NRXN1: variants seen among roughly 807,000 people sequenced by gnomAD.
The protein encoded by NRXN1 is neurexin 1.
In NRXN1, 39 loss-of-function variants were observed where a neutral mutation model predicts 150.9. The observed-to-expected ratio is 0.26, with a 90% CI of 0.20 to 0.34. The LOEUF (loss-of-function observed/expected upper bound fraction) is 0.34, where lower values mean the gene tolerates loss of function less well. Ranked by LOEUF, NRXN1 falls within the 10% of genes least tolerant of loss-of-function variation. NRXN1 has a pLI of 1.00. For synonymous variants in NRXN1, 924 were observed against 757.0 expected (o/e 1.22, Z -3.62); for missense variants, 1,815 against 1,949.9 (o/e 0.93, Z 1.30).
At chr2:50,947,360 A>T (rs113902940) in intron 2 of NRXN1, among the ~76,000 whole-genome samples, 1 of 151,968 alleles carries the variant, frequency 6.6e-6, no homozygotes, top group Non-Finnish European at 1.5e-5. Context: ...ATATACAAAT[A>T]CTATTATTTT....
chr2:50,000,574 T>A (rs17493439), intron 21 of NRXN1, among the ~76,000 whole-genome samples: 72,237 of 151,934 alleles, frequency 0.48, 17,755 homozygotes, highest in Middle Eastern at 0.62. Context: ...TAAAATAAGA[T>A]AGTCAACATA....
chr2:50,828,727 C>A (rs867890733), intron 5 of NRXN1, among the ~76,000 whole-genome samples: 7 of 151,364 alleles, frequency 4.6e-5, no homozygotes, highest in Admixed American at 3.3e-4. Flanking sequence ...CGGGCAGAGA[C>A]CCTCCTCACT....
chr2:50,739,123 A>AT (rs1699120092), intron 5 of NRXN1: 1 of 247,488 alleles, frequency 4.0e-6, no homozygotes, highest in Non-Finnish European at 8.5e-6. Context: ...AATGTTGATA[A>AT]TTTTTATATC....
intron 19 of NRXN1, among the ~76,000 whole-genome samples, chr2:50,068,956 G>C (rs923178377): frequency 2.0e-5 from 3 of 152,054 alleles, no homozygotes; most frequent in African/African-American, 7.2e-5. Context: ...TTTATTCTCA[G>C]AGGTTTATGC....
chr2:50,089,312 A>G (rs539260941), intron 19 of NRXN1, among the ~76,000 whole-genome samples: 21 of 152,342 alleles, frequency 1.4e-4, no homozygotes, highest in African/African-American at 5.1e-4. Context: ...GTTCAGGTCC[A>G]CTGTTCACAG....
chr2:49,927,514 G>C lies in NRXN1; in HGVS notation c.4217-5263C>G, dbSNP rs141796763. ...ACAACTGAAGTGCTAAAATAACTAA[G>C]CAATTTGAAAGATAGATACATTTTT... On this transcript the variant is annotated intron_variant, in intron 22 of 22. Transcript: ENST00000401669. 9.3e-3 allele frequency among the ~76,000 whole-genome samples: 1,419 copies of C among 152,228 alleles called. 31 individuals carry two copies. Among genetic ancestry groups the C allele is most frequent in the African/African-American group, 0.032 (1,339 of 41,526 alleles).
intron 18 of NRXN1, among the ~76,000 whole-genome samples, chr2:50,197,591 T>G (rs150385663): frequency 1.3e-5 from 2 of 152,334 alleles, no homozygotes; most frequent in East Asian, 3.9e-4. Context: ...TTTATTAATC[T>G]TCAAATTTCA....
intron 2 of NRXN1, among the ~76,000 whole-genome samples, chr2:50,971,834 C>T (rs1040403772): frequency 4.6e-5 from 7 of 151,984 alleles, no homozygotes; most frequent in African/African-American, 1.7e-4. Flanking sequence ...CAGATTTACG[C>T]ATTTACAGGA....
intron 21 of NRXN1, among the ~76,000 whole-genome samples, chr2:49,988,995 C>T (rs1681449095): frequency 6.6e-6 from 1 of 152,174 alleles, no homozygotes; most frequent in Non-Finnish European, 1.5e-5. Context: ...TGAAGCATTG[C>T]CCAGCACAAT....
At chr2:50,169,643 C>T (rs968519638) in intron 18 of NRXN1, among the ~76,000 whole-genome samples, 7 of 144,896 alleles carry the variant, frequency 4.8e-5, no homozygotes, top group Admixed American at 1.4e-4. Flanking sequence ...AACCCAGGAG[C>T]GGAGGTTGCA....
rs185371547 is a variant in NRXN1, at chr2:50,354,058, T to C, written c.3364+111384A>G. Among the ~76,000 whole-genome samples, 4 of 152,266 alleles carry C rather than the reference T, an allele frequency of 2.6e-5. No individual in the cohort carries two copies. In the East Asian group the frequency reaches 7.7e-4, roughly 29 times the overall value. On this transcript the variant is annotated intron_variant, in intron 17 of 22. Transcript: ENST00000401669. ...GCTTTCTCATTAAGCTCCTTACCAA[T>C]GATCTCACCTCCCGTTAGTTGATCC... is the stretch of plus-strand genomic sequence containing the variant.
rs145868768 is a variant in NRXN1, at chr2:50,301,754, G to A, written c.3365-64784C>T. ...AAGAGAATTGAAAAGGAGCACAGAT[G>A]AACAGCATGAAGAATCAAGATGAGG... On this transcript the variant is annotated intron_variant, in intron 17 of 22. Coordinates refer to ENST00000401669, the MANE Select transcript of NRXN1 (RefSeq NM_001330078.2). Among the ~76,000 whole-genome samples the A allele has an allele frequency of 6.8e-3, 1,042 of 152,272 alleles. 1 individual carries two copies. The highest frequency in any genetic ancestry group is 0.011 in the Non-Finnish European group (734 of 68,024).
intron 5 of NRXN1, among the ~76,000 whole-genome samples, chr2:50,836,167 G>A (rs1274485610): frequency 6.6e-6 from 1 of 152,002 alleles, no homozygotes; most frequent in East Asian, 1.9e-4. Flanking sequence ...GTTTTCCTTC[G>A]ACGGTCGTCT....
At chr2:50,163,164 G>GTGTA (rs148512568) in intron 18 of NRXN1, among the ~76,000 whole-genome samples, 1,954 of 141,752 alleles carry the variant, frequency 0.014, 60 homozygotes, top group African/African-American at 0.048. Flanking sequence ...AATCCAAAAT[G>GTGTA]TATATATATA....
intron 5 of NRXN1, among the ~76,000 whole-genome samples, chr2:50,761,230 G>C (rs1574384747): frequency 2.0e-5 from 3 of 151,894 alleles, no homozygotes; most frequent in South Asian, 4.2e-4. Flanking sequence ...CAGTGCAGTG[G>C]CTATTCACAG....
intron 17 of NRXN1, among the ~76,000 whole-genome samples, chr2:50,262,484 C>T (rs1029975062): frequency 2.0e-5 from 3 of 151,886 alleles, no homozygotes; most frequent in Admixed American, 6.6e-5. Context: ...ATAATTACTA[C>T]TGTTATACTA....
At chr2:50,324,727 T>A (rs2152977421) in intron 17 of NRXN1, among the ~76,000 whole-genome samples, 1 of 152,302 alleles carries the variant, frequency 6.6e-6, no homozygotes, top group South Asian at 2.1e-4. Flanking sequence ...GTCATTTCTA[T>A]CTTGCCTGCT....
intron 18 of NRXN1, among the ~76,000 whole-genome samples, chr2:50,214,136 C>T (rs1385478915): frequency 6.6e-6 from 1 of 151,864 alleles, no homozygotes; most frequent in Non-Finnish European, 1.5e-5. Context: ...TTAGTCATAA[C>T]TTTGATTTTC....
At chr2:50,288,398 T>C (rs1210019046) in intron 17 of NRXN1, among the ~76,000 whole-genome samples, 1 of 152,060 alleles carries the variant, frequency 6.6e-6, no homozygotes, top group Non-Finnish European at 1.5e-5. Context: ...AAAATGTCAG[T>C]AATGCCACAG....
Sources: gnomAD v4.1 joint callset for allele counts (sites outside exome capture counted in the v4.1 genomes callset) on GRCh38, gnomAD v4.1.1 for gene constraint, MANE v1.5 for transcripts, NCBI Gene and HGNC (gene_info 2026-07-23, HGNC 2026-07-21) for gene names.